The following DOK6 variants were observed in gnomAD, a reference collection of about 807,000 sequenced individuals.
DOK6 encodes docking protein 6, also known as downstream of tyrosine kinase 6.
Under a neutral mutation model 44.0 loss-of-function variants are expected in DOK6, and 22 were observed. The ratio of observed to expected loss-of-function variants is 0.50; its 90% CI spans 0.36 to 0.71. The LOEUF is 0.71. DOK6 is among the 30% of genes least tolerant of loss of function. The pLI is 0.00. For missense variants in DOK6, 340 were observed against 416.4 expected, an observed-to-expected ratio of 0.82 and a Z score of 1.60; for synonymous variants, 166 against 145.5, an observed-to-expected ratio of 1.14 and a Z score of -1.01.
At chr18:69,523,998 T>C (rs1981760251) in intron 1 of DOK6, among the ~76,000 whole-genome samples, 2 of 152,058 alleles carry the variant, frequency 1.3e-5, no homozygotes, top group South Asian at 4.1e-4. Context: ...AACTTCCATC[T>C]GAGATTTTCA....
chr18:69,490,775 T>C (rs1980714028), intron 1 of DOK6, among the ~76,000 whole-genome samples: 1 of 152,248 alleles, frequency 6.6e-6, no homozygotes, highest in Non-Finnish European at 1.5e-5. Context: ...CATTTTGAGA[T>C]CAATGTAATA....
chr18:69,500,127 T>G (rs1797413574), intron 1 of DOK6, among the ~76,000 whole-genome samples: 3 of 152,330 alleles, frequency 2.0e-5, no homozygotes, highest in Middle Eastern at 3.4e-3. Context: ...TGAGATTGTG[T>G]AAGCCCTTCT....
intron 1 of DOK6, among the ~76,000 whole-genome samples, chr18:69,405,314 T>C (rs955035981): frequency 1.3e-5 from 2 of 152,134 alleles, no homozygotes; most frequent in Non-Finnish European, 2.9e-5. Context: ...TTATAGAAGC[T>C]CAATGATTAA....
intron 7 of DOK6, among the ~76,000 whole-genome samples, chr18:69,806,609 T>C (rs1278551823): frequency 6.6e-6 from 1 of 152,106 alleles, no homozygotes; most frequent in Non-Finnish European, 1.5e-5. Flanking sequence ...TAAATGCATT[T>C]TGATTTAATT....
chr18:69,644,511 T>C (rs1308314575), intron 3 of DOK6, among the ~76,000 whole-genome samples: 1 of 152,180 alleles, frequency 6.6e-6, no homozygotes, highest in African/African-American at 2.4e-5. Context: ...AATGAAAAGG[T>C]TACCATTCCT....
At position 69,833,103 on chromosome 18, in the gene DOK6, G is replaced by C. The variant is rs79020025; in HGVS notation, c.857-8141G>C. 2.5e-3 allele frequency among the ~76,000 whole-genome samples: 385 copies of C among 152,012 alleles called. 3 individuals are homozygous for C. Among genetic ancestry groups the C allele is most frequent in the African/African-American group, 8.8e-3 (365 of 41,496 alleles). ...GGTACCACAAAAGACCCCAAATAAC[G>C]AAAGCTATCCTGAGCAAAAAGAACA... On this transcript the variant is annotated intron_variant, in intron 7 of 7. Transcript: ENST00000382713.
At chr18:69,773,363 G>C (rs1032856384) in intron 7 of DOK6, among the ~76,000 whole-genome samples, 3 of 151,890 alleles carry the variant, frequency 2.0e-5, no homozygotes, top group African/African-American at 4.8e-5. Context: ...AAATATGAAA[G>C]TAGGATCTCG....
intron 3 of DOK6, among the ~76,000 whole-genome samples, chr18:69,650,966 A>G (rs1207739911): frequency 6.6e-6 from 1 of 152,228 alleles, no homozygotes; most frequent in Non-Finnish European, 1.5e-5. Flanking sequence ...ATTTAAGAAC[A>G]ATCTTGATAT....
chr18:69,699,966 A>G (rs927851916), intron 5 of DOK6, among the ~76,000 whole-genome samples: 3 of 152,080 alleles, frequency 2.0e-5, no homozygotes, highest in Non-Finnish European at 2.9e-5. Flanking sequence ...GGAGAAAGAC[A>G]CATCTCACAT....
At chr18:69,624,161 C>A (rs564485702) in intron 3 of DOK6, among the ~76,000 whole-genome samples, 8 of 151,824 alleles carry the variant, frequency 5.3e-5, no homozygotes, top group Admixed American at 1.3e-4. Context: ...TTTATTGGAC[C>A]CTATAATTAT....
intron 3 of DOK6, among the ~76,000 whole-genome samples, chr18:69,599,920 A>G (rs1983833872): frequency 6.6e-6 from 1 of 152,176 alleles, no homozygotes; most frequent in Non-Finnish European, 1.5e-5. Context: ...TGAGGAATGT[A>G]TTGTTTTCAT....
intron 1 of DOK6, among the ~76,000 whole-genome samples, chr18:69,491,617 G>A (rs1215819134): frequency 6.6e-6 from 1 of 152,114 alleles, no homozygotes; most frequent in Non-Finnish European, 1.5e-5. Context: ...AAAATGTTTA[G>A]GTTGTTAGCA....
intron 1 of DOK6, among the ~76,000 whole-genome samples, chr18:69,452,226 G>T (rs1430216470): frequency 2.0e-5 from 3 of 148,168 alleles, no homozygotes; most frequent in Admixed American, 1.3e-4. Flanking sequence ...AATGATAAAG[G>T]GGATATCACC....
intron 1 of DOK6, among the ~76,000 whole-genome samples, chr18:69,512,332 C>CTTCTTTTTTTTTTTT (rs59109570): frequency 5.5e-5 from 5 of 91,690 alleles, no homozygotes; most frequent in African/African-American, 2.3e-4. Flanking sequence ...CTTTCTTCTT[C>CTTCTTTTTTTTTTTT]TTTTTTTTTT....
intron 3 of DOK6, among the ~76,000 whole-genome samples, chr18:69,666,217 A>G (rs929714265): frequency 1.8e-4 from 27 of 152,180 alleles, no homozygotes; most frequent in Admixed American, 9.2e-4. Context: ...TAAGTTTGTT[A>G]ATATTCTATC....
chr18:69,702,440 C>T (rs1319404647), intron 5 of DOK6, among the ~76,000 whole-genome samples: 1 of 152,144 alleles, frequency 6.6e-6, no homozygotes, highest in African/African-American at 2.4e-5. Flanking sequence ...GAAGTGCCAA[C>T]ATTGCACAGA....
intron 7 of DOK6, among the ~76,000 whole-genome samples, chr18:69,759,937 A>T (rs564570481): frequency 6.6e-6 from 1 of 152,318 alleles, no homozygotes; most frequent in African/African-American, 2.4e-5. Context: ...GTTACGTTTC[A>T]CTATACTGTG....
intron 1 of DOK6, among the ~76,000 whole-genome samples, chr18:69,521,766 A>G (rs950267397): frequency 3.3e-5 from 5 of 151,968 alleles, no homozygotes; most frequent in Non-Finnish European, 5.9e-5. Context: ...TAGAGTGACT[A>G]TAGGTAATAA....
At chr18:69,635,819 G>A (rs1395889591) in intron 3 of DOK6, among the ~76,000 whole-genome samples, 5 of 152,124 alleles carry the variant, frequency 3.3e-5, no homozygotes, top group African/African-American at 4.8e-5. Flanking sequence ...GCAATGTTGG[G>A]GGTTTCTTTG....
Sources: gnomAD v4.1 joint callset for allele counts (sites outside exome capture counted in the v4.1 genomes callset) on GRCh38, gnomAD v4.1.1 for gene constraint, MANE v1.5 for transcripts, NCBI Gene and HGNC (gene_info 2026-07-23, HGNC 2026-07-21) for gene names.